Variants in SNTG1 observed in about 807,000 individuals in gnomAD.
The protein encoded by SNTG1 is gamma-1-syntrophin.
Under a neutral mutation model 74.7 loss-of-function variants are expected in SNTG1, and 39 were observed. That is an observed-to-expected ratio of 0.52 (90% confidence interval 0.40 to 0.68). The LOEUF (loss-of-function observed/expected upper bound fraction) is 0.68. Among genes scored for constraint, SNTG1 ranks in the 30% least tolerant of loss-of-function variants. The pLI is 0.00. For synonymous variants in SNTG1, 254 were observed against 217.1 expected, an observed-to-expected ratio of 1.17 and a Z score of -1.49; for missense variants, 685 against 609.5, an observed-to-expected ratio of 1.12 and a Z score of -1.30.
At chr8:50,472,208 G>T (rs1302934130) in intron 8 of SNTG1, among the ~76,000 whole-genome samples, 1 of 152,014 alleles carries the variant, frequency 6.6e-6, no homozygotes, top group Admixed American at 6.6e-5. Context: ...AAATTCATAT[G>T]GAATTGCAAG....
intron 18 of SNTG1, among the ~76,000 whole-genome samples, chr8:50,779,269 A>G (rs1226177063): frequency 6.6e-6 from 1 of 152,156 alleles, no homozygotes; most frequent in Non-Finnish European, 1.5e-5. Flanking sequence ...TGGGGATGGC[A>G]TTGAATCTAT....
rs188957316 is a variant in SNTG1 at position 50,278,440 on chromosome 8, C to T, written c.-28+105805C>T. ...GTAAAAGTATAATAATGATGCCTGCCTAATTGAAATGGAAATCTCTTCAGA... is the reference window on the plus strand; with the variant it reads ...GTAAAAGTATAATAATGATGCCTGCTTAATTGAAATGGAAATCTCTTCAGA... On this transcript the variant is annotated intron_variant, in intron 2 of 18. Coordinates refer to ENST00000642720, the MANE Select transcript of SNTG1 (RefSeq NM_018967.5). 1.6e-3 allele frequency among the ~76,000 whole-genome samples: 243 copies of T among 152,126 alleles called. 2 individuals are homozygous for T. Among genetic ancestry groups the T allele is most frequent in the Middle Eastern group, 0.014 (4 of 294 alleles).
intron 2 of SNTG1, among the ~76,000 whole-genome samples, chr8:50,309,072 G>A (rs1156349016): frequency 6.6e-6 from 1 of 151,638 alleles, no homozygotes; most frequent in African/African-American, 2.4e-5. Flanking sequence ...CTAATACTTA[G>A]AAGAAATAAA....
chr8:50,112,508 G>C (rs984434608), intron 1 of SNTG1, among the ~76,000 whole-genome samples: 1 of 108,688 alleles, frequency 9.2e-6, no homozygotes, highest in African/African-American at 3.3e-5. Context: ...CAAGTATTTA[G>C]TTCTTTCTTT....
chr8:50,281,573 A>G (rs187316854), intron 2 of SNTG1, among the ~76,000 whole-genome samples: 1 of 152,336 alleles, frequency 6.6e-6, no homozygotes, highest in Admixed American at 6.5e-5. Context: ...CAAATGAGAA[A>G]TGCTAGTTTG....
chr8:50,468,385 T>G (rs977002122), intron 8 of SNTG1, among the ~76,000 whole-genome samples: 18 of 152,222 alleles, frequency 1.2e-4, no homozygotes, highest in Admixed American at 3.3e-4. Flanking sequence ...ACTTAATCAT[T>G]ATTTCATTCC....
At chr8:50,710,462 C>A (rs181147644) in intron 17 of SNTG1, among the ~76,000 whole-genome samples, 2 of 151,860 alleles carry the variant, frequency 1.3e-5, no homozygotes, top group Admixed American at 6.6e-5. Context: ...AATTTAGAAA[C>A]AAATTTCACT....
At chr8:50,705,694 T>G (rs1313431956) in intron 16 of SNTG1, among the ~76,000 whole-genome samples, 1 of 152,208 alleles carries the variant, frequency 6.6e-6, no homozygotes, top group Non-Finnish European at 1.5e-5. Flanking sequence ...GTCCAGTGCA[T>G]TTTGCACATC....
intron 1 of SNTG1, among the ~76,000 whole-genome samples, chr8:49,919,507 T>C (rs569233117): frequency 6.6e-6 from 1 of 152,240 alleles, no homozygotes; most frequent in South Asian, 2.1e-4. Flanking sequence ...GCTGAGGGAA[T>C]ACTCAGCAAA....
intron 1 of SNTG1, among the ~76,000 whole-genome samples, chr8:50,050,606 C>A (rs1264447784): frequency 6.6e-6 from 1 of 151,980 alleles, no homozygotes; most frequent in Non-Finnish European, 1.5e-5. Context: ...ATACAACCAA[C>A]AGCTTATTGA....
chr8:50,600,014 G>A (rs1033796152), intron 13 of SNTG1, among the ~76,000 whole-genome samples: 1 of 152,058 alleles, frequency 6.6e-6, no homozygotes, highest in Non-Finnish European at 1.5e-5. Context: ...ATCATGAAGG[G>A]ATATTGAATT....
chr8:50,180,750 CTTTTTTTTTTTTTTTT>C (rs60630226), intron 2 of SNTG1, among the ~76,000 whole-genome samples: 2 of 80,648 alleles, frequency 2.5e-5, no homozygotes, highest in South Asian at 1.1e-3. Flanking sequence ...ATTGTGAAGC[CTTTTTTTTTTTTTTTT>C]TTTTTTTTTT....
chr8:50,524,798 C>G (rs1002800523), intron 9 of SNTG1, among the ~76,000 whole-genome samples: 2 of 152,050 alleles, frequency 1.3e-5, no homozygotes, highest in Non-Finnish European at 2.9e-5. Context: ...TAAGGGACTA[C>G]AGCAGATGTG....
chr8:49,911,076 T>C (rs994358383), upstream of SNTG1: 2 of 152,162 alleles, frequency 1.3e-5, no homozygotes, highest in Non-Finnish European at 2.9e-5. Context: ...TTCCTGTCTT[T>C]TTCATTCTTT....
At chr8:50,244,254 C>G (rs896441849) in intron 2 of SNTG1, among the ~76,000 whole-genome samples, 5 of 152,102 alleles carry the variant, frequency 3.3e-5, no homozygotes, top group African/African-American at 1.2e-4. Flanking sequence ...CTCCCGTGAC[C>G]CAAATACCTC....
chr8:50,313,158 C>T lies in SNTG1; in HGVS notation c.-27-81054C>T, dbSNP rs998549402. On this transcript the variant is annotated intron_variant, in intron 2 of 18. Transcript: ENST00000642720. The stretch of plus-strand genomic sequence containing the variant: ...CTTATCTCACCCCATATACAAGAAT[C>T]GACTAAAAATGGAGTATAGTCTGAA... Among the ~76,000 whole-genome samples, 10 of 149,702 alleles carry T rather than the reference C, an allele frequency of 6.7e-5. 2 individuals carry two copies. The highest frequency in any genetic ancestry group is 1.7e-4 in the African/African-American group (7 of 40,166).
intron 17 of SNTG1, among the ~76,000 whole-genome samples, chr8:50,731,857 C>T (rs1009464614): frequency 2.0e-5 from 3 of 152,074 alleles, no homozygotes; most frequent in Non-Finnish European, 2.9e-5. Context: ...TTATAACTTT[C>T]ATTGACAATA....
At chr8:50,175,195 C>A (rs1320456050) in intron 2 of SNTG1, among the ~76,000 whole-genome samples, 5 of 152,166 alleles carry the variant, frequency 3.3e-5, no homozygotes, top group African/African-American at 1.2e-4. Context: ...GTCTTTATAG[C>A]AGCATGATTT....
intron 8 of SNTG1, among the ~76,000 whole-genome samples, chr8:50,479,374 T>C (rs1019949659): frequency 6.6e-6 from 1 of 152,204 alleles, no homozygotes; most frequent in Admixed American, 6.5e-5. Flanking sequence ...TGACTGTTTT[T>C]AAGCGTTCCA....
Sources: allele counts gnomAD v4.1 joint callset (sites outside exome capture counted in the v4.1 genomes callset), GRCh38; gene constraint gnomAD v4.1.1; transcripts MANE v1.5; gene names NCBI Gene and HGNC (gene_info 2026-07-23, HGNC 2026-07-21).